Variants in ADAM17 observed in about 807,000 individuals in gnomAD.
ADAM17 encodes ADAM metallopeptidase domain 17, also known as disintegrin and metalloproteinase domain-containing protein 17.
ADAM17 carries 39 observed loss-of-function variants against 96.7 expected under a neutral mutation model. That is an observed-to-expected ratio of 0.40 (90% CI 0.31 to 0.53). ADAM17 has a LOEUF of 0.53. Among genes scored for constraint, ADAM17 ranks in the 20% least tolerant of loss-of-function variants. ADAM17 has a pLI of 0.44. For missense variants in ADAM17, 777 were observed against 1,013.2 expected, an observed-to-expected ratio of 0.77 and a Z score of 3.17; for synonymous variants, 344 against 359.2, an observed-to-expected ratio of 0.96 and a Z score of 0.48.
chr2:9,548,334 C>G lies in ADAM17; in HGVS notation c.98-5049G>C, dbSNP rs541481344. 6.6e-5 allele frequency among the ~76,000 whole-genome samples: 10 copies of G among 151,898 alleles called. No individual in the cohort carries two copies. In the South Asian group the frequency reaches 1.3e-3, roughly 19 times the overall value. ...GTGACAGAGTGAGACTCCATCCCCC[C>G]CAAAAAAGAAAGAAATTTCATTATG... On this transcript the variant is annotated intron_variant, in intron 1 of 18. Transcript: ENST00000310823.
At chr2:9,551,072 C>CAA (rs752876279) in intron 1 of ADAM17, among the ~76,000 whole-genome samples, 11 of 120,274 alleles carry the variant, frequency 9.1e-5, no homozygotes, top group African/African-American at 1.5e-4. Flanking sequence ...GACTCTGTCT[C>CAA]AAAAAAAAAA....
At chr2:9,508,086 C>T (rs10211522) in intron 11 of ADAM17, among the ~76,000 whole-genome samples, 91,529 of 152,036 alleles carry the variant, frequency 0.6, 29,293 homozygotes, top group African/African-American at 0.77. Flanking sequence ...GCATGTCCAC[C>T]CAGGCAGTCT....
chr2:9,544,544 C>T (rs1021451341), intron 1 of ADAM17, among the ~76,000 whole-genome samples: 4 of 147,632 alleles, frequency 2.7e-5, no homozygotes, highest in African/African-American at 1.0e-4. Context: ...GAAAAAAGGC[C>T]GGGCTGGGCA....
At chr2:9,525,025 A>G (rs374243493) in intron 6 of ADAM17, among the ~76,000 whole-genome samples, 1 of 147,520 alleles carries the variant, frequency 6.8e-6, no homozygotes, top group Non-Finnish European at 1.5e-5. Context: ...AAGAAGTAAA[A>G]TAAGAGGAGC....
chr2:9,539,509 A>T (rs1318946154), intron 2 of ADAM17, among the ~76,000 whole-genome samples: 1 of 152,200 alleles, frequency 6.6e-6, no homozygotes, highest in African/African-American at 2.4e-5. Context: ...AACTCTTCAT[A>T]CAACCTCTCA....
chr2:9,509,859 A>G, intron 11 of ADAM17, 120 bp downstream of exon 11: 1 of 1,290,402 alleles, frequency 7.7e-7, no homozygotes, highest in South Asian at 1.4e-5. Flanking sequence ...GGTACTTTGT[A>G]ATTTGCACAT....
At chr2:9,516,724 G>C (rs138942675) in intron 10 of ADAM17, among the ~76,000 whole-genome samples, 1 of 152,162 alleles carries the variant, frequency 6.6e-6, no homozygotes, top group East Asian at 1.9e-4. Flanking sequence ...CTGCCCTCCA[G>C]ACTGGGCCAC....
intron 2 of ADAM17, among the ~76,000 whole-genome samples, chr2:9,541,455 C>T (rs1488434922): frequency 6.6e-6 from 1 of 151,950 alleles, no homozygotes. Context: ...CCCAGCTACT[C>T]GGGAAGCTGA....
intron 12 of ADAM17, among the ~76,000 whole-genome samples, chr2:9,503,140 A>AAAAAAAAAAAAAGACAAGG (rs1444935422): frequency 6.6e-6 from 1 of 150,540 alleles, no homozygotes; most frequent in South Asian, 2.1e-4. Context: ...ACTCTCTCAA[A>AAAAAAAAAAAAAGACAAGG]AAAAAAAAAA....
At chr2:9,501,226 G>C (rs1273130276) in intron 13 of ADAM17, among the ~76,000 whole-genome samples, 1 of 152,078 alleles carries the variant, frequency 6.6e-6, no homozygotes, top group Non-Finnish European at 1.5e-5. Context: ...AAAAATGTAA[G>C]TAAGTGCATT....
chr2:9,550,683 C>T (rs539217195), intron 1 of ADAM17, among the ~76,000 whole-genome samples: 18 of 151,790 alleles, frequency 1.2e-4, no homozygotes, highest in African/African-American at 4.3e-4. Flanking sequence ...GGCCTCAAGT[C>T]ATCCGCCGGC....
Position 9,488,780 on chromosome 2 carries a change from A to G in ADAM17, c.*1397T>C, listed in dbSNP as rs942096513. On this transcript the variant is annotated 3_prime_UTR_variant, in exon 19 of 19. Coordinates refer to ENST00000310823, the MANE Select transcript of ADAM17 (RefSeq NM_003183.6). ...AAGTTCAAGTATTAGTATAACAAGT[A>G]TCTGAGTAACAAATGTCCTTGGAAA... 6.6e-6 allele frequency: 1 copy of G among 152,420 alleles called. No individual in the cohort carries two copies. Among genetic ancestry groups the G allele is most frequent in the Non-Finnish European group, 1.5e-5 (1 of 68,172 alleles). 9.4% of individuals were successfully genotyped at this position (152,420 alleles called of 1,614,324 possible). A position where few individuals can be genotyped will look rare whatever the true frequency, so the allele number is the denominator to read the frequency against.
At position 9,502,231 on chromosome 2, in the gene ADAM17, G is replaced by A; in HGVS notation, c.1590C>T (p.Ala530=). The change falls in exon 13 of 19, where the codon GCC becomes GCT. Residue 530 remains alanine, a synonymous_variant. Transcript: ENST00000310823. ...PCCKNCQFET[A]QKKCQEAINA... is the part of the protein sequence containing the mutation. Reference sequence around the variant, plus strand: ...TAATCGCCTCCTGGCACTTCTTCTGGGCAGTCTCAAACTGACAGTTTTTAC... The same window carrying A: ...TAATCGCCTCCTGGCACTTCTTCTGAGCAGTCTCAAACTGACAGTTTTTAC... 6.2e-7 allele frequency: 1 copy of A among 1,613,994 alleles called. No individual in the cohort carries two copies. The highest frequency in any genetic ancestry group is 1.6e-4 in the Middle Eastern group (1 of 6,062).
At chr2:9,491,884 TC>T (rs1020591170) in intron 17 of ADAM17, among the ~76,000 whole-genome samples, 2 of 152,198 alleles carry the variant, frequency 1.3e-5, no homozygotes, top group African/African-American at 4.8e-5. Context: ...ATGTGCAACT[TC>T]CCTGTAAACA....
In ADAM17 at chr2:9,555,559, A is replaced by T; in HGVS notation, c.47T>A (p.Leu16Gln). 1 of 1,602,962 alleles carries T rather than the reference A, an allele frequency of 6.2e-7. No homozygotes were observed. The highest frequency in any genetic ancestry group is 8.5e-7 in the Non-Finnish European group (1 of 1,174,688). Residue 16 changes from leucine (L) to glutamine (Q), a missense_variant, in exon 1 of 19, where the codon CTG (leucine) becomes CAG (glutamine). Coordinates refer to ENST00000310823, the MANE Select transcript of ADAM17 (RefSeq NM_003183.6). ...CGGGTCATCCGGAGGTCGCGGCGCC[A>T]GCACGAAAGGAACCACGCTGGTCAG... ...LFLTSVVPFVLAPRPPDDPGF... is the reference protein window; with the variant it reads ...LFLTSVVPFVQAPRPPDDPGF...
In ADAM17 at chr2:9,545,702, T is replaced by C. The variant is rs80065670; in HGVS notation, c.98-2417A>G. ...TTTTCAAGGACAAAAACCAGAATGA[T>C]GGTAAATTAGTAACTGTGAAATGGT... On this transcript the variant is annotated intron_variant, in intron 1 of 18. Coordinates refer to ENST00000310823, the MANE Select transcript of ADAM17 (RefSeq NM_003183.6). Among the ~76,000 whole-genome samples the C allele has an allele frequency of 2.9e-3, 443 of 152,290 alleles. 2 individuals carry two copies. The highest frequency in any genetic ancestry group is 0.01 in the African/African-American group (428 of 41,578).
intron 11 of ADAM17, among the ~76,000 whole-genome samples, chr2:9,509,676 G>A (rs1350669088): frequency 6.6e-6 from 1 of 152,082 alleles, no homozygotes; most frequent in Non-Finnish European, 1.5e-5. Flanking sequence ...TTAACATAAA[G>A]CCTGAGCCCA....
Position 9,497,256 on chromosome 2 carries a change from C to A in ADAM17, c.1649-8G>T, listed in dbSNP as rs756662356. On this transcript the variant is annotated splice_polypyrimidine_tract_variant and splice_region_variant and intron_variant, in intron 13 of 18. Transcript: ENST00000310823. ...GGCACTCACTGCTATTACCTGGAAG[C>A]AAACACCAGTCATAACAAAAAGAAT... 10 of 1,613,658 alleles carry A rather than the reference C, an allele frequency of 6.2e-6. No individual in the cohort carries two copies. Among genetic ancestry groups the A allele is most frequent in the South Asian group, 5.5e-5 (5 of 91,048 alleles).
Position 9,526,210 on chromosome 2 carries a change from T to C in ADAM17, c.654A>G (p.Pro218=), listed in dbSNP as rs755105372. ...ATTTACACGTGTTCTTCATGGGATC[T>C]GGGTCAGCTCTTCTTTTCACTCGAT... The part of the protein sequence containing the change: ...LVHRVKRRAD[P]DPMKNTCKLL... Residue 218 remains proline (P), a synonymous_variant, in exon 6 of 19, where the codon CCA becomes CCG. Transcript: ENST00000310823. The C allele has an allele frequency of 3.7e-6, 6 of 1,613,908 alleles. No homozygotes were observed. Among genetic ancestry groups the C allele is most frequent in the Non-Finnish European group, 1.7e-6 (2 of 1,179,892 alleles).
Sources: gnomAD v4.1 joint callset for allele counts (sites outside exome capture counted in the v4.1 genomes callset) on GRCh38, gnomAD v4.1.1 for gene constraint, MANE v1.5 for transcripts, NCBI Gene and HGNC (gene_info 2026-07-23, HGNC 2026-07-21) for gene names.